Variants in ADGRL3 observed in about 807,000 individuals in gnomAD.
ADGRL3 encodes adhesion G protein-coupled receptor L3.
In ADGRL3, 62 loss-of-function variants were observed where a neutral mutation model predicts 153.5. That is an observed-to-expected ratio of 0.40 (90% confidence interval 0.33 to 0.50). The LOEUF is 0.50. ADGRL3 is among the 20% of genes least tolerant of loss of function. ADGRL3 has a pLI of 0.47. For missense variants in ADGRL3, 1,641 were observed against 1,859.4 expected, an observed-to-expected ratio of 0.88 and a Z score of 2.16; for synonymous variants, 710 against 672.5, an observed-to-expected ratio of 1.06 and a Z score of -0.86.
intron 21 of ADGRL3, among the ~76,000 whole-genome samples, chr4:62,017,647 G>T (rs1477717325): frequency 1.3e-5 from 2 of 151,526 alleles, no homozygotes; most frequent in East Asian, 1.9e-4. Flanking sequence ...ATATTTTTTT[G>T]TCCTGGTAAA....
chr4:61,696,670 C>CTTTT lies in ADGRL3; in HGVS notation c.583+19753_583+19756dup, dbSNP rs34306284. Among the ~76,000 whole-genome samples, 948 of 101,980 alleles carry CTTTT rather than the reference C, an allele frequency of 9.3e-3. 4 individuals are homozygous for CTTTT. Among genetic ancestry groups the CTTTT allele is most frequent in the East Asian group, 0.02 (59 of 2,914 alleles). The allele number at this position is 101,980 out of a possible 152,430, so 66.9% of individuals were successfully genotyped here. ...TTCCCTAAGTTCCTTTTTTTTTAAC[C>CTTTT]TTTTTTTTTTTTTTTTTTTTTGTGA... On this transcript the variant is annotated intron_variant, in intron 6 of 26. Coordinates refer to ENST00000683033, the MANE Select transcript of ADGRL3 (RefSeq NM_001387552.1).
At chr4:61,585,148 T>C (rs967973647) in intron 4 of ADGRL3, among the ~76,000 whole-genome samples, 2 of 151,978 alleles carry the variant, frequency 1.3e-5, no homozygotes, top group African/African-American at 4.8e-5. Flanking sequence ...TGTATGTGTG[T>C]GCACACAATA....
At chr4:62,027,222 A>G (rs1330529779) in intron 21 of ADGRL3, among the ~76,000 whole-genome samples, 1 of 152,062 alleles carries the variant, frequency 6.6e-6, no homozygotes, top group Non-Finnish European at 1.5e-5. Context: ...GTTAAATACC[A>G]TCAGTTCTTA....
intron 4 of ADGRL3, among the ~76,000 whole-genome samples, chr4:61,521,285 C>T (rs530989428): frequency 4.6e-5 from 7 of 151,966 alleles, no homozygotes; most frequent in South Asian, 4.2e-4. Flanking sequence ...TCTGAGTAGA[C>T]GAAACAGCAA....
chr4:61,488,878 C>A (rs951384571), intron 2 of ADGRL3, among the ~76,000 whole-genome samples: 2 of 151,940 alleles, frequency 1.3e-5, no homozygotes, highest in African/African-American at 4.8e-5. Context: ...TGTACCATGA[C>A]CAATTTAATC....
In ADGRL3 at chr4:62,028,900, G is replaced by T. The variant is rs774629422; in HGVS notation, c.3422+19G>T. ...TCATCAAGTAAGAATGACCTGAATG[G>T]CTGATAAATTCCGTTTATCAGTGTG... On this transcript the variant is annotated intron_variant, in intron 22 of 26. Coordinates refer to ENST00000683033, the MANE Select transcript of ADGRL3 (RefSeq NM_001387552.1). The T allele has an allele frequency of 1.3e-6, 2 of 1,599,722 alleles. No homozygotes were observed. Among genetic ancestry groups the T allele is most frequent in the Non-Finnish European group, 1.7e-6 (2 of 1,170,890 alleles).
At chr4:61,365,966 A>G (rs191911209) in intron 1 of ADGRL3, among the ~76,000 whole-genome samples, 123 of 152,294 alleles carry the variant, frequency 8.1e-4, no homozygotes, top group Non-Finnish European at 1.4e-3. Flanking sequence ...CTTGTGAAGC[A>G]TTGTTTCTCA....
intron 3 of ADGRL3, among the ~76,000 whole-genome samples, chr4:61,514,905 T>G (rs1204110955): frequency 6.6e-6 from 1 of 152,206 alleles, no homozygotes; most frequent in Non-Finnish European, 1.5e-5. Context: ...TTATACTGTT[T>G]AGCTGATGCT....
chr4:62,044,263 A>G (rs1729906857), intron 24 of ADGRL3, among the ~76,000 whole-genome samples, 190 bp from the exon 25 acceptor site: 1 of 152,106 alleles, frequency 6.6e-6, no homozygotes, highest in Non-Finnish European at 1.5e-5. Context: ...ACAGTTAATG[A>G]GAACCATATA....
chr4:61,741,103 T>C (rs1367738907), intron 8 of ADGRL3, among the ~76,000 whole-genome samples: 2 of 152,228 alleles, frequency 1.3e-5, no homozygotes, highest in Non-Finnish European at 2.9e-5. Flanking sequence ...CCCTTTACTA[T>C]GACAGCTGAG....
chr4:62,029,861 G>A (rs1229571723), intron 22 of ADGRL3, among the ~76,000 whole-genome samples: 1 of 151,356 alleles, frequency 6.6e-6, no homozygotes, highest in Non-Finnish European at 1.5e-5. Context: ...TTGATTTAAT[G>A]GCAATTCTTA....
chr4:61,856,948 TTCTC>T (rs1554048263), intron 9 of ADGRL3, among the ~76,000 whole-genome samples: 31 of 88,212 alleles, frequency 3.5e-4, no homozygotes, highest in African/African-American at 1.1e-3. Flanking sequence ...CTCTTTCTTC[TTCTC>T]TTTCTTTCTT....
chr4:61,543,676 T>C (rs370382429), intron 4 of ADGRL3, among the ~76,000 whole-genome samples: 1 of 152,348 alleles, frequency 6.6e-6, no homozygotes, highest in East Asian at 1.9e-4. Flanking sequence ...CCAGTCTTAC[T>C]TTCAAAGTTT....
chr4:61,523,633 T>C (rs980597272), intron 4 of ADGRL3, among the ~76,000 whole-genome samples: 2 of 151,944 alleles, frequency 1.3e-5, no homozygotes. Context: ...GTTATTGAGA[T>C]TTTTTTTAAA....
chr4:61,692,933 A>G (rs1052124701), intron 6 of ADGRL3, among the ~76,000 whole-genome samples: 1 of 152,108 alleles, frequency 6.6e-6, no homozygotes, highest in African/African-American at 2.4e-5. Flanking sequence ...CTTGAAAATT[A>G]TTATGCTCCA....
intron 8 of ADGRL3, among the ~76,000 whole-genome samples, chr4:61,774,158 C>A (rs1167713496): frequency 6.6e-6 from 1 of 151,788 alleles, no homozygotes; most frequent in African/African-American, 2.4e-5. Context: ...AGTTCAAGAC[C>A]AGCCTGCCCA....
At chr4:61,353,249 G>A (rs1381642691) in intron 1 of ADGRL3, among the ~76,000 whole-genome samples, 1 of 151,720 alleles carries the variant, frequency 6.6e-6, no homozygotes, top group Non-Finnish European at 1.5e-5. Flanking sequence ...ATGTATACTC[G>A]CATATATATG....
chr4:61,222,136 C>T (rs550633270), intron 1 of ADGRL3, among the ~76,000 whole-genome samples: 59 of 152,120 alleles, frequency 3.9e-4, no homozygotes, highest in Admixed American at 2.0e-3. Flanking sequence ...GTGTTAATCT[C>T]ATATTGAGAT....
intron 6 of ADGRL3, among the ~76,000 whole-genome samples, chr4:61,702,723 A>G (rs79883425): frequency 1.4e-3 from 217 of 152,286 alleles, no homozygotes; most frequent in African/African-American, 4.4e-3. Flanking sequence ...CTTTGGGTAC[A>G]GTTATTGTGT....
Sources: allele counts gnomAD v4.1 joint callset (sites outside exome capture counted in the v4.1 genomes callset), GRCh38; gene constraint gnomAD v4.1.1; transcripts MANE v1.5; gene names NCBI Gene and HGNC (gene_info 2026-07-23, HGNC 2026-07-21).